The following PIAS3 variants were observed in gnomAD, a reference collection of about 807,000 sequenced individuals.
PIAS3 encodes protein inhibitor of activated STAT 3, also known as E3 SUMO-protein ligase PIAS3.
Under a neutral mutation model 67.6 loss-of-function variants are expected in PIAS3, and 34 were observed. The ratio of observed to expected loss-of-function variants is 0.50; its 90% CI spans 0.38 to 0.67. The LOEUF (loss-of-function observed/expected upper bound fraction) is 0.67. PIAS3 is among the 30% of genes least tolerant of loss of function. The pLI is 0.00. For synonymous variants in PIAS3, 341 were observed against 313.8 expected (o/e 1.09, Z -0.92); for missense variants, 693 against 791.6 (o/e 0.88, Z 1.49).
chr1:145,853,463 C>A, intron 9 of PIAS3, 41 bp downstream of exon 9: 1 of 1,391,632 alleles, frequency 7.2e-7, no homozygotes, highest in South Asian at 1.4e-5. Context: ...AAAAGAGGTT[C>A]TAGTGGATGT....
At chr1:145,854,593 C>T in intron 6 of PIAS3, 30 bp from the exon 7 acceptor site, 1 of 1,583,322 alleles carries the variant, frequency 6.3e-7, no homozygotes, top group Non-Finnish European at 8.7e-7. Context: ...AGACAATTAG[C>T]CTCTGCTTCT....
Position 145,850,896 on chromosome 1 carries a change from A to C in PIAS3, c.1323T>G (p.Asn441Lys), listed in dbSNP as rs374346615. 3.1e-6 allele frequency: 5 copies of C among 1,614,038 alleles called. No individual in the cohort carries two copies. Among genetic ancestry groups the C allele is most frequent in the South Asian group, 2.2e-5 (2 of 91,086 alleles). The change falls in exon 11 of 14, where the codon AAT becomes AAG. Residue 441 changes from asparagine (N) to lysine (K), a missense_variant. By Grantham distance (94) the Asn-to-Lys change is moderately conservative. Coordinates refer to ENST00000393045, the MANE Select transcript of PIAS3 (RefSeq NM_006099.3). Reference sequence around the variant, plus strand: ...AGTCAATAACTTCGACCTTCTTCTTATTCTCTGATGGATCTCCCCCCTGGA... The same window carrying C: ...AGTCAATAACTTCGACCTTCTTCTTCTTCTCTGATGGATCTCCCCCCTGGA... ...SPVQGGDPSE[N>K]KKKVEVIDLT... is the part of the protein sequence containing the mutation.
chr1:145,854,850 C>T lies in PIAS3; in HGVS notation c.700G>A (p.Glu234Lys), dbSNP rs782118155. 95 of 1,613,962 alleles carry T rather than the reference C, an allele frequency of 5.9e-5. No homozygotes were observed. The highest frequency in any genetic ancestry group is 7.8e-5 in the Non-Finnish European group (92 of 1,180,008). ...GYLPPTKNGA[E>K]PKRPSRPINI... ...ATGGGGCGGCTGGGCCTCTTGGGCT[C>T]GGCCCCATTCTTGGTTGGGGGAAGG... Residue 234 changes from glutamate to lysine, a missense_variant, in exon 6 of 14, where the codon GAG (glutamate) becomes AAG (lysine). This residue lies in a region of PIAS3 where 308 missense variants were observed against 348.8 expected (regional missense o/e 0.88). Transcript: ENST00000393045.
At position 145,856,333 on chromosome 1, in the gene PIAS3, TG is replaced by T. The variant is rs782148759; in HGVS notation, c.527+13del. 3.5e-5 allele frequency: 56 copies of T among 1,605,762 alleles called. No individual in the cohort carries two copies. Among genetic ancestry groups the T allele is most frequent in the Non-Finnish European group, 4.7e-5 (55 of 1,172,448 alleles). ...GAGACCAGGGATGAGGCAGGAAGAC[TG>T]GAAGAGATGTACCTGGATGTAAGAA... On this transcript the variant is annotated intron_variant, in intron 3 of 13. Transcript: ENST00000393045.
At position 145,854,485 on chromosome 1, in the gene PIAS3, G is replaced by C; in HGVS notation, c.883C>G (p.Arg295Gly). 1 of 1,613,816 alleles carries C rather than the reference G, an allele frequency of 6.2e-7. No homozygotes were observed. Among genetic ancestry groups the C allele is most frequent in the Non-Finnish European group, 8.5e-7 (1 of 1,179,720 alleles). Residue 295 changes from arginine to glycine, a missense_variant, in exon 7 of 14, where the codon CGG becomes GGG. Around this residue, in one of 3 missense-constraint regions of PIAS3, gnomAD observed 115 missense variants for 181.8 expected, o/e 0.63. Transcript: ENST00000393045. ...AGTGCCCGCGAGTGGTCTGGGTTCC[G>C]GATACCCTTTGCTCTGAGTTTTTGT... ...LLQKLRAKGI[R>G]NPDHSRALIK...
chr1:145,852,484 C>T (rs2101680270), intron 9 of PIAS3, among the ~76,000 whole-genome samples: 1 of 152,038 alleles, frequency 6.6e-6, no homozygotes, highest in South Asian at 2.1e-4. Context: ...TTGAGCAAGG[C>T]TCAATCTCTC....
In PIAS3 at chr1:145,848,564, C is replaced by G. The variant is rs1652826214; in HGVS notation, c.*882G>C. On this transcript the variant is annotated 3_prime_UTR_variant, in exon 14 of 14. Coordinates refer to ENST00000393045, the MANE Select transcript of PIAS3 (RefSeq NM_006099.3). ...ATTATGGGTGAGAGCTTCACTACAA[C>G]TTTAGAAATAAAAAGTAAAATTACA... 3.1e-6 allele frequency: 3 copies of G among 965,138 alleles called. No homozygotes were observed. Among genetic ancestry groups the G allele is most frequent in the Non-Finnish European group, 3.2e-6 (2 of 624,322 alleles). 59.8% of individuals were successfully genotyped at this position (965,138 alleles called of 1,614,324 possible). A position where few individuals can be genotyped will look rare whatever the true frequency, so the allele number is the denominator to read the frequency against.
chr1:145,849,596 G>C lies in PIAS3; in HGVS notation c.1737C>G (p.Ser579Arg). ...FLGPLAPTLG[S>R]SHCSATPAPP... is the part of the protein sequence containing the mutation. ...GCGCCGGAGTGGCGCTGCAGTGGGA[G>C]CTCCCCAGCGTGGGGGCCAGTGGGC... Residue 579 changes from serine (S) to arginine (R), a missense_variant, in exon 14 of 14, where the codon AGC becomes AGG. This residue lies in a region of PIAS3 where 270 missense variants were observed against 261.0 expected (regional missense o/e 1.03). Coordinates refer to ENST00000393045, the MANE Select transcript of PIAS3 (RefSeq NM_006099.3). The C allele has an allele frequency of 6.2e-7, 1 of 1,613,206 alleles. No homozygotes were observed. The highest frequency in any genetic ancestry group is 8.5e-7 in the Non-Finnish European group (1 of 1,179,616).
chr1:145,857,040 C>G (rs781919004), intron 1 of PIAS3, 34 bp from the exon 2 acceptor site: 1 of 1,598,092 alleles, frequency 6.3e-7, no homozygotes, highest in African/African-American at 1.3e-5. Context: ...TGAGCATCCT[C>G]CCTTGCACAG....
chr1:145,851,265 A>G, intron 9 of PIAS3, 112 bp from the exon 10 acceptor site: 1 of 1,124,838 alleles, frequency 8.9e-7, no homozygotes, highest in Non-Finnish European at 1.3e-6. Context: ...TAAAATAAGA[A>G]CATTATCCAT....
Position 145,854,550 on chromosome 1 carries a change from G to A in PIAS3, c.818C>T (p.Ser273Phe). The A allele has an allele frequency of 6.2e-7, 1 of 1,613,508 alleles. No individual in the cohort carries two copies. ...SSEFGRNYSL[S>F]VYLVRQLTAG... ...AGTCAACTGCCTCACCAGGTACACA[G>A]ACAAGGAGTAATTCTACTTGGAGGC... Residue 273 changes from serine to phenylalanine, a missense_variant, in exon 7 of 14, where the codon TCT becomes TTT. By Grantham distance (155) the Ser-to-Phe change is radical. Transcript: ENST00000393045.
In PIAS3 at chr1:145,848,629, T is replaced by C. The variant is rs1553733355; in HGVS notation, c.*817A>G. 6.1e-5 allele frequency: 39 copies of C among 634,482 alleles called. No individual in the cohort carries two copies. The allele number at this position is 634,482 out of a possible 1,614,324, so 39.3% of individuals were successfully genotyped here. A position where few individuals can be genotyped will look rare whatever the true frequency, so the allele number is the denominator to read the frequency against. On this transcript the variant is annotated 3_prime_UTR_variant, in exon 14 of 14. Transcript: ENST00000393045. ...CCTTGGCGAGCCTGAAAAAGAAGAT[T>C]GGGAAGGAGGGCACAGGGTCCTTCC...
rs782179128 is a variant in PIAS3 at position 145,849,269 on chromosome 1, A to G, written c.*177T>C. ...CAGTGTCCTTAAAAAGAGGTTAAAT[A>G]TTAACCCTTTGGGTGCTGGCCTTGT... On this transcript the variant is annotated 3_prime_UTR_variant, in exon 14 of 14. Coordinates refer to ENST00000393045, the MANE Select transcript of PIAS3 (RefSeq NM_006099.3). 1.4e-5 allele frequency: 7 copies of G among 495,130 alleles called. No individual in the cohort carries two copies. In the South Asian group the frequency reaches 3.7e-4, roughly 26 times the overall value. The allele number at this position is 495,130 out of a possible 1,614,324, so 30.7% of individuals were successfully genotyped here.
In PIAS3 at chr1:145,848,699, C is replaced by T. The variant is rs191164730; in HGVS notation, c.*747G>A. On this transcript the variant is annotated 3_prime_UTR_variant, in exon 14 of 14. Transcript: ENST00000393045. ...GAATGAGCCAGGCCTAACTACAGGGCCATGAGCCTCTAGAAGCTTAGGGGG... is the reference window on the plus strand; with the variant it reads ...GAATGAGCCAGGCCTAACTACAGGGTCATGAGCCTCTAGAAGCTTAGGGGG... 5.2e-5 allele frequency: 27 copies of T among 519,526 alleles called. No homozygotes were observed. Among genetic ancestry groups the T allele is most frequent in the South Asian group, 4.2e-4 (16 of 38,372 alleles). 32.2% of individuals were successfully genotyped at this position (519,526 alleles called of 1,614,324 possible).
intron 9 of PIAS3, among the ~76,000 whole-genome samples, chr1:145,852,244 C>T (rs1307087475): frequency 6.6e-6 from 1 of 152,036 alleles, no homozygotes; most frequent in African/African-American, 2.4e-5. Context: ...GGCAACAGAA[C>T]GAGACCCTGT....
chr1:145,854,331 G>A, intron 7 of PIAS3, 127 bp downstream of exon 7: 1 of 684,314 alleles, frequency 1.5e-6, no homozygotes, highest in Non-Finnish European at 2.6e-6. Flanking sequence ...AGAGGGGGAG[G>A]GTTGGGGTTC....
intron 7 of PIAS3, 121 bp from the exon 8 acceptor site, chr1:145,854,007 C>G: frequency 1.3e-6 from 1 of 749,858 alleles, no homozygotes; most frequent in Non-Finnish European, 2.3e-6. Context: ...TCTTTGGGGG[C>G]CAGTGGGACG....
At chr1:145,858,676 G>A (rs1653291243) in intron 1 of PIAS3, among the ~76,000 whole-genome samples, 1 of 66,094 alleles carries the variant, frequency 1.5e-5, no homozygotes, top group Admixed American at 1.9e-4. Flanking sequence ...CCCAACAACC[G>A]CCCCTACTAC....
chr1:145,849,562 C>G lies in PIAS3; in HGVS notation c.1771G>C (p.Gly591Arg). The change falls in exon 14 of 14, where the codon GGC becomes CGC. Residue 591 changes from glycine to arginine, a missense_variant. Around this residue, in one of 3 missense-constraint regions of PIAS3, gnomAD observed 270 missense variants for 261.0 expected, o/e 1.03. Coordinates refer to ENST00000393045, the MANE Select transcript of PIAS3 (RefSeq NM_006099.3). ...GGGGCCACAATGCTGCTGACACGGC[C>G]AGGAGGGGGCGCCGGAGTGGCGCTG... ...HCSATPAPPP[G>R]RVSSIVAPGG... The G allele has an allele frequency of 6.2e-7, 1 of 1,607,274 alleles. No individual in the cohort carries two copies.
Sources: gnomAD v4.1 joint callset for allele counts (sites outside exome capture counted in the v4.1 genomes callset) on GRCh38, gnomAD v4.1.1 for gene constraint, gnomAD v4.1.1 regional missense constraint, MANE v1.5 for transcripts, NCBI Gene and HGNC (gene_info 2026-07-23, HGNC 2026-07-21) for gene names.